ITGB7: variants seen among roughly 807,000 people sequenced by gnomAD.
ITGB7 encodes integrin subunit beta 7, also known as integrin beta-7.
In ITGB7, 55 loss-of-function variants were observed where a neutral mutation model predicts 83.4. The ratio of observed to expected loss-of-function variants is 0.66; its 90% CI spans 0.53 to 0.83. The LOEUF (loss-of-function observed/expected upper bound fraction) is 0.83. ITGB7 is among the 40% of genes least tolerant of loss of function. The pLI, the probability that ITGB7 is intolerant of heterozygous loss-of-function variation, is 0.00. For synonymous variants in ITGB7, 454 were observed against 423.6 expected (o/e 1.07, Z -0.88); for missense variants, 921 against 1,046.7 (o/e 0.88, Z 1.66).
At chr12:53,205,261 T>C (rs1481688977) in intron 1 of ITGB7, among the ~76,000 whole-genome samples, 1 of 152,170 alleles carries the variant, frequency 6.6e-6, no homozygotes, top group Non-Finnish European at 1.5e-5. Context: ...CATGGCTCAC[T>C]GCTGCCTTGA....
At chr12:53,203,250 G>A (rs1320194786) in intron 1 of ITGB7, among the ~76,000 whole-genome samples, 2 of 152,084 alleles carry the variant, frequency 1.3e-5, no homozygotes, top group African/African-American at 4.8e-5. Context: ...CTTTCAAAAT[G>A]AGCAAAAGAC....
intron 9 of ITGB7, chr12:53,194,837 C>T (rs1942101134): frequency 6.0e-6 from 1 of 167,904 alleles, no homozygotes; most frequent in South Asian, 1.5e-4. Flanking sequence ...GTTCCTTCTA[C>T]CTGTAAAATT....
rs1942207549 is a variant in ITGB7, at chr12:53,197,564, A to T, written c.503T>A (p.Leu168Gln). 3 of 1,614,054 alleles carry T rather than the reference A, an allele frequency of 1.9e-6. No individual in the cohort carries two copies. The highest frequency in any genetic ancestry group is 2.5e-6 in the Non-Finnish European group (3 of 1,180,016). Reference protein sequence around the residue: ...MDLSYSMKDDLERVRQLGHAL... With the variant: ...MDLSYSMKDDQERVRQLGHAL... ...GTGCCCGAGCTGGCGCACGCGTTCC[A>T]GGTCGTCCTTCATGGAGTAGCTCAG... is the stretch of plus-strand genomic sequence containing the variant. The change falls in exon 5 of 16, where the codon CTG (leucine) becomes CAG (glutamine). Residue 168 changes from leucine (L) to glutamine (Q), a missense_variant. Coordinates refer to ENST00000267082, the MANE Select transcript of ITGB7 (RefSeq NM_000889.3).
intron 1 of ITGB7, among the ~76,000 whole-genome samples, chr12:53,201,872 C>T (rs1198758878): frequency 6.6e-6 from 1 of 151,842 alleles, no homozygotes; most frequent in Admixed American, 6.6e-5. Flanking sequence ...CTGTACTTTG[C>T]CCTGGGCAAC....
chr12:53,203,662 A>G (rs1009347721), intron 1 of ITGB7, among the ~76,000 whole-genome samples: 1 of 148,300 alleles, frequency 6.7e-6, no homozygotes, highest in African/African-American at 2.5e-5. Flanking sequence ...AAAAAAAAAA[A>G]AAAAAAAAAG....
chr12:53,192,839 C>T lies in ITGB7; in HGVS notation c.1798G>A (p.Gly600Arg). The change falls in exon 13 of 16, where the codon GGG (glycine) becomes AGG (arginine). Residue 600 changes from glycine to arginine, a missense_variant. Physicochemically the swap from Gly to Arg is moderately radical, Grantham distance 125. Coordinates refer to ENST00000267082, the MANE Select transcript of ITGB7 (RefSeq NM_000889.3). ...NRTGRACECSGDMDSCISPEG... is the reference protein window; with the variant it reads ...NRTGRACECSRDMDSCISPEG... ...GGACTGATGCAACTGTCCATGTCCCCACTGCATTCGCATGCTCTGCCCGTG... is the reference window on the plus strand; with the variant it reads ...GGACTGATGCAACTGTCCATGTCCCTACTGCATTCGCATGCTCTGCCCGTG... 1 of 1,614,224 alleles carries T rather than the reference C, an allele frequency of 6.2e-7. No individual in the cohort carries two copies. The highest frequency in any genetic ancestry group is 1.1e-5 in the South Asian group (1 of 91,088).
chr12:53,192,949 A>G, intron 12 of ITGB7, 39 bp from the exon 13 acceptor site: 1 of 1,586,954 alleles, frequency 6.3e-7, no homozygotes, highest in Non-Finnish European at 8.6e-7. Context: ...ACCATACTCC[A>G]CACACACAGT....
intron 3 of ITGB7, among the ~76,000 whole-genome samples, chr12:53,198,713 A>G (rs1475193466): frequency 4.6e-5 from 7 of 151,994 alleles, no homozygotes; most frequent in Non-Finnish European, 7.4e-5. Context: ...TACCACAAAA[A>G]AACAGGGGCC....
In ITGB7 at chr12:53,200,399, G is replaced by A; in HGVS notation, c.45C>T (p.Ser15=). 2 of 1,614,112 alleles carry A rather than the reference G, an allele frequency of 1.2e-6. No homozygotes were observed. Among genetic ancestry groups the A allele is most frequent in the Non-Finnish European group, 1.7e-6 (2 of 1,180,022 alleles). The stretch of plus-strand genomic sequence containing the variant: ...TGGCGTCCAATTCACTCTCACCTCT[G>A]CTCAGGACCAGCAGCAAAACAAGGA... The part of the protein sequence containing the change: ...PMVLVLLLVL[S]RGESELDAKI... Residue 15 remains serine (S), a synonymous_variant, in exon 3 of 16, where the codon AGC becomes AGT. Coordinates refer to ENST00000267082, the MANE Select transcript of ITGB7 (RefSeq NM_000889.3).
chr12:53,195,341 C>A (rs765563402), intron 9 of ITGB7, 33 bp downstream of exon 9: 1 of 1,497,524 alleles, frequency 6.7e-7, no homozygotes, highest in Admixed American at 1.7e-5. Flanking sequence ...CTAGTGCCCA[C>A]CCTCACCATC....
intron 7 of ITGB7, 77 bp from the exon 8 acceptor site, chr12:53,195,798 T>G (rs1942142083): frequency 7.7e-7 from 1 of 1,291,988 alleles, no homozygotes. Context: ...GCCCAGGGAA[T>G]CCAGGAACCA....
At chr12:53,197,472 G>A (rs773487498) in intron 5 of ITGB7, 21 bp downstream of exon 5, 70 of 1,613,018 alleles carry the variant, frequency 4.3e-5, no homozygotes, top group Non-Finnish European at 5.7e-5. Context: ...CTAACAGGGC[G>A]GGAGGCAGCG....
chr12:53,193,479 C>T, intron 11 of ITGB7, 116 bp from the exon 12 acceptor site: 1 of 824,592 alleles, frequency 1.2e-6, no homozygotes, highest in Non-Finnish European at 1.9e-6. Context: ...AGACAAACAG[C>T]TGAAAGGATG....
chr12:53,195,633 ACAGG>A lies in ITGB7; in HGVS notation c.1060_1063del (p.Pro354SerfsTer5). 1.9e-6 allele frequency: 3 copies of A among 1,613,656 alleles called. No individual in the cohort carries two copies. Among genetic ancestry groups the A allele is most frequent in the Non-Finnish European group, 8.5e-7 (1 of 1,179,564 alleles). ...CATGTAGACAGCTCTCACCTGGTAG[ACAGG>A]CAGTGCGGCACTGGTGACAGCAAAG... On this transcript the variant is annotated frameshift_variant, in exon 8 of 16. Transcript: ENST00000267082. LOFTEE classifies it high-confidence loss of function.
chr12:53,194,163 C>T (rs1419077389), intron 10 of ITGB7, 35 bp downstream of exon 10: 2 of 1,612,728 alleles, frequency 1.2e-6, no homozygotes, highest in Non-Finnish European at 8.5e-7. Context: ...CCACCTCCCC[C>T]TGCCCGCCTT....
intron 5 of ITGB7, chr12:53,197,288 C>CTA: frequency 3.1e-6 from 2 of 651,076 alleles, no homozygotes; most frequent in Non-Finnish European, 5.6e-6. Context: ...GCCTGTAAAA[C>CTA]GGATAGTCTC....
chr12:53,197,486 G>T lies in ITGB7; in HGVS notation c.574+7C>A. On this transcript the variant is annotated splice_region_variant and intron_variant, in intron 5 of 15. Transcript: ENST00000267082. Reference sequence around the variant, plus strand: ...GCTAACAGGGCGGGAGGCAGCGCTCGGCTCACCAATGCGCACAGAATGGGT... The same window carrying T: ...GCTAACAGGGCGGGAGGCAGCGCTCTGCTCACCAATGCGCACAGAATGGGT... The T allele has an allele frequency of 6.2e-7, 1 of 1,614,036 alleles. No homozygotes were observed. Among genetic ancestry groups the T allele is most frequent in the East Asian group, 2.2e-5 (1 of 44,870 alleles).
chr12:53,195,974 G>T, intron 7 of ITGB7, 67 bp downstream of exon 7: 1 of 1,569,132 alleles, frequency 6.4e-7, no homozygotes. Flanking sequence ...AAGGCTGGGA[G>T]TGGGAGTCCT....
At chr12:53,195,871 G>C in intron 7 of ITGB7, 150 bp from the exon 8 acceptor site, 2 of 953,582 alleles carry the variant, frequency 2.1e-6, no homozygotes, top group Non-Finnish European at 3.2e-6. Flanking sequence ...GTAGGGAATG[G>C]GGTGACAAAG....
Sources: allele counts gnomAD v4.1 joint callset (sites outside exome capture counted in the v4.1 genomes callset), GRCh38; gene constraint gnomAD v4.1.1; transcripts MANE v1.5; gene names NCBI Gene and HGNC (gene_info 2026-07-23, HGNC 2026-07-21).